GPM6A: variants seen among roughly 807,000 people sequenced by gnomAD.
GPM6A encodes glycoprotein M6A, also known as neuronal membrane glycoprotein M6-a.
Under a neutral mutation model 32.1 loss-of-function variants are expected in GPM6A, and 7 were observed. The observed-to-expected ratio is 0.22, with a 90% confidence interval of 0.12 to 0.41. The LOEUF is 0.41. Among genes scored for constraint, GPM6A ranks in the 10% least tolerant of loss-of-function variants. The pLI is 1.00. For missense variants in GPM6A, 235 were observed against 347.2 expected, an observed-to-expected ratio of 0.68 and a Z score of 2.57; for synonymous variants, 130 against 123.4, an observed-to-expected ratio of 1.05 and a Z score of -0.35.
intron 1 of GPM6A, among the ~76,000 whole-genome samples, chr4:175,913,952 G>A (rs936199572): frequency 2.0e-5 from 3 of 152,258 alleles, no homozygotes; most frequent in East Asian, 1.9e-4. Flanking sequence ...CCACGTGACT[G>A]TAAACCAAAG....
intron 1 of GPM6A, among the ~76,000 whole-genome samples, chr4:175,973,366 G>A (rs765255836): frequency 4.6e-5 from 7 of 152,200 alleles, no homozygotes; most frequent in Non-Finnish European, 4.4e-5. Context: ...CGGTTTTGCT[G>A]TTTAACATAT....
chr4:175,843,471 A>C (rs989310289), intron 1 of GPM6A, among the ~76,000 whole-genome samples: 2 of 152,182 alleles, frequency 1.3e-5, no homozygotes, highest in African/African-American at 4.8e-5. Flanking sequence ...TGAAATGCCG[A>C]GTGACCCTCA....
chr4:175,878,244 T>C (rs1737149351), intron 1 of GPM6A, among the ~76,000 whole-genome samples: 1 of 152,080 alleles, frequency 6.6e-6, no homozygotes, highest in African/African-American at 2.4e-5. Flanking sequence ...CATTCTGGGG[T>C]CTGGAGGATA....
chr4:175,927,398 G>T lies in GPM6A; in HGVS notation c.-23+74911C>A, dbSNP rs79232315. ...TAGTACATGTTAAATACAGATTATG[G>T]CATTTTTTTAATAGCTAGAAGAGAC... On this transcript the variant is annotated intron_variant, in intron 1 of 7. Coordinates refer to the GPM6A transcript ENST00000280187. Among the ~76,000 whole-genome samples, 21 of 152,328 alleles carry T rather than the reference G, an allele frequency of 1.4e-4. No homozygotes were observed. The East Asian group carries it at 4.1e-3, about 29-fold the overall frequency.
chr4:175,795,634 C>T (rs894646497), intron 1 of GPM6A, among the ~76,000 whole-genome samples: 18 of 152,122 alleles, frequency 1.2e-4, no homozygotes, highest in African/African-American at 2.6e-4. Context: ...CACCTGTGGT[C>T]CCAGCTGGGA....
At chr4:175,871,789 C>T (rs1736917940) in intron 1 of GPM6A, among the ~76,000 whole-genome samples, 1 of 152,184 alleles carries the variant, frequency 6.6e-6, no homozygotes, top group East Asian at 1.9e-4. Context: ...CTAATACAAT[C>T]TCTAGTGACC....
intron 1 of GPM6A, among the ~76,000 whole-genome samples, chr4:175,758,247 T>C (rs1035408077): frequency 6.6e-5 from 10 of 152,198 alleles, no homozygotes; most frequent in Admixed American, 6.5e-4. Flanking sequence ...AAAAAAATGC[T>C]TAGTAAGCAA....
intron 3 of GPM6A, among the ~76,000 whole-genome samples, chr4:175,655,786 C>A (rs1236344771): frequency 6.6e-6 from 1 of 151,990 alleles, no homozygotes; most frequent in East Asian, 1.9e-4. Flanking sequence ...CTTAATCCCT[C>A]ATAGTCACTT....
At chr4:175,856,570 C>T (rs368387222) in intron 1 of GPM6A, among the ~76,000 whole-genome samples, 30 of 152,176 alleles carry the variant, frequency 2.0e-4, no homozygotes, top group Non-Finnish European at 3.8e-4. Flanking sequence ...AGTATGATAG[C>T]CTTTTTGGGT....
At chr4:175,990,159 A>G (rs932268568) in intron 1 of GPM6A, among the ~76,000 whole-genome samples, 1 of 152,218 alleles carries the variant, frequency 6.6e-6, no homozygotes, top group Non-Finnish European at 1.5e-5. Flanking sequence ...AACTTCTCCT[A>G]GTTTGTATTC....
chr4:175,959,705 C>T (rs1338065750), intron 1 of GPM6A, among the ~76,000 whole-genome samples: 3 of 151,986 alleles, frequency 2.0e-5, no homozygotes, highest in Non-Finnish European at 4.4e-5. Flanking sequence ...CTGCCTGCCC[C>T]GCTCCACACA....
At chr4:175,780,416 C>A (rs17607340) in intron 1 of GPM6A, among the ~76,000 whole-genome samples, 3,075 of 152,310 alleles carry the variant, frequency 0.02, 57 homozygotes, top group Non-Finnish European at 0.031. Context: ...GGAAGTGCAT[C>A]TGTACAAGAG....
chr4:175,721,293 T>C (rs1375815133), intron 1 of GPM6A, among the ~76,000 whole-genome samples: 3 of 151,210 alleles, frequency 2.0e-5, no homozygotes, highest in East Asian at 1.9e-4. Flanking sequence ...CTGGTCAACA[T>C]AGTGAAACCC....
At chr4:175,848,996 A>G (rs1479094259) in intron 1 of GPM6A, among the ~76,000 whole-genome samples, 1 of 152,198 alleles carries the variant, frequency 6.6e-6, no homozygotes, top group African/African-American at 2.4e-5. Context: ...AGGAAATGGT[A>G]TTGAACTGCC....
chr4:175,816,883 C>G (rs1035957240), upstream of GPM6A, among the ~76,000 whole-genome samples: 1 of 150,898 alleles, frequency 6.6e-6, no homozygotes, highest in Non-Finnish European at 1.5e-5. Flanking sequence ...TTTTTTGAGA[C>G]GGAGTCTCGC....
intron 1 of GPM6A, among the ~76,000 whole-genome samples, chr4:175,727,992 A>C (rs998662683): frequency 5.2e-5 from 7 of 134,458 alleles, no homozygotes; most frequent in Non-Finnish European, 7.8e-5. Flanking sequence ...TGACAGAGCG[A>C]GACTCCGTTT....
rs1560871368 is a variant in GPM6A, at chr4:175,680,791, G to C, written c.231-6955C>G. On this transcript the variant is annotated intron_variant, in intron 2 of 6. Coordinates refer to ENST00000393658, the MANE Select transcript of GPM6A (RefSeq NM_201591.3). Reference sequence around the variant, plus strand: ...TGTAAAGGCAAGTGTGTGCATGTTTGTGTATATGTCTATTTTCCCTTCTTT... The same window carrying C: ...TGTAAAGGCAAGTGTGTGCATGTTTCTGTATATGTCTATTTTCCCTTCTTT... 2.0e-5 allele frequency among the ~76,000 whole-genome samples: 3 copies of C among 152,076 alleles called. No homozygotes were observed. The South Asian group carries it at 6.2e-4, about 32-fold the overall frequency.
chr4:175,748,159 C>T (rs1252694411), intron 1 of GPM6A, among the ~76,000 whole-genome samples: 2 of 152,064 alleles, frequency 1.3e-5, no homozygotes, highest in Non-Finnish European at 2.9e-5. Context: ...CTCAAAGTCA[C>T]CCACGAGGGT....
chr4:175,738,755 T>C (rs1731763899), intron 1 of GPM6A, among the ~76,000 whole-genome samples: 1 of 152,194 alleles, frequency 6.6e-6, no homozygotes, highest in African/African-American at 2.4e-5. Flanking sequence ...GAACAATGTG[T>C]TCATACTGTA....
Sources: gnomAD v4.1 joint callset for allele counts (sites outside exome capture counted in the v4.1 genomes callset) on GRCh38, gnomAD v4.1.1 for gene constraint, MANE v1.5 for transcripts, NCBI Gene and HGNC (gene_info 2026-07-23, HGNC 2026-07-21) for gene names.